Variants in NHSL1 observed in about 807,000 individuals in gnomAD.
The protein encoded by NHSL1 is NHS like 1, also known as NHS-like protein 1.
Under a neutral mutation model 95.0 loss-of-function variants are expected in NHSL1, and 48 were observed. The ratio of observed to expected loss-of-function variants is 0.51; its 90% CI spans 0.40 to 0.64. The LOEUF (loss-of-function observed/expected upper bound fraction) is 0.64, where lower values mean the gene tolerates loss of function less well. Ranked by LOEUF, NHSL1 falls within the 30% of genes least tolerant of loss-of-function variation. The probability of loss-of-function intolerance (pLI) is 0.00; values close to 1 mark genes in which losing one functional copy is unlikely to be tolerated. For synonymous variants in NHSL1, 783 were observed against 833.9 expected (o/e 0.94, Z 1.05); for missense variants, 1,971 against 2,077.7 (o/e 0.95, Z 1.00).
At chr6:138,441,089 T>A (rs1039427776) in intron 5 of NHSL1, among the ~76,000 whole-genome samples, 1 of 152,162 alleles carries the variant, frequency 6.6e-6, no homozygotes, top group Admixed American at 6.5e-5. Flanking sequence ...CAAACAACCC[T>A]AAGAGGTAGG....
At chr6:138,670,051 G>T (rs1785343915) in intron 1 of NHSL1, among the ~76,000 whole-genome samples, 1 of 152,108 alleles carries the variant, frequency 6.6e-6, no homozygotes, top group Non-Finnish European at 1.5e-5. Flanking sequence ...AACCCAGGAG[G>T]TGGAGGTTGC....
intron 1 of NHSL1, among the ~76,000 whole-genome samples, chr6:138,688,078 A>C (rs1785610567): frequency 6.6e-6 from 1 of 152,072 alleles, no homozygotes; most frequent in Non-Finnish European, 1.5e-5. Flanking sequence ...CAGCCTCCCA[A>C]GTAGCTGAGA....
chr6:138,592,616 C>A lies in NHSL1; in HGVS notation c.97-96245G>T, dbSNP rs79363951. Reference sequence around the variant, plus strand: ...GACTGTCGCACAAAAAAACAAAAAACAACAAAAAACAAAAAACAACAACAA... The same window carrying A: ...GACTGTCGCACAAAAAAACAAAAAAAAACAAAAAACAAAAAACAACAACAA... On this transcript the variant is annotated intron_variant, in intron 1 of 3. Coordinates refer to the NHSL1 transcript ENST00000491526. 3.5e-3 allele frequency among the ~76,000 whole-genome samples: 524 copies of A among 150,420 alleles called. 5 individuals carry two copies. Among genetic ancestry groups the A allele is most frequent in the Non-Finnish European group, 3.7e-3 (250 of 67,734 alleles).
At chr6:138,646,496 C>G (rs1001856613) in intron 1 of NHSL1, among the ~76,000 whole-genome samples, 25 of 149,238 alleles carry the variant, frequency 1.7e-4, no homozygotes, top group African/African-American at 6.2e-4. Flanking sequence ...GACACTGTCT[C>G]GAGGAAAAAA....
At chr6:138,649,982 T>A (rs990484251) in intron 1 of NHSL1, among the ~76,000 whole-genome samples, 1 of 152,032 alleles carries the variant, frequency 6.6e-6, no homozygotes, top group African/African-American at 2.4e-5. Context: ...TTCTGCCAAC[T>A]CCCCATTTCT....
chr6:138,551,228 G>A (rs1782989447), intron 1 of NHSL1, among the ~76,000 whole-genome samples: 1 of 152,136 alleles, frequency 6.6e-6, no homozygotes, highest in African/African-American at 2.4e-5. Flanking sequence ...GTGGTTTAAG[G>A]CATCCACTGG....
At position 138,473,366 on chromosome 6, in the gene NHSL1, C is replaced by T. The variant is rs896941081; in HGVS notation, c.279G>A (p.Ala93=). Residue 93 remains alanine (A), a synonymous_variant, in exon 3 of 8, where the codon GCG becomes GCA. Transcript: ENST00000343505. ...SQYYSQGPTF[A]ANASPFCDDY... is the part of the protein sequence containing the mutation. ...CATCACAGAATGGGCTGGCGTTGGC[C>T]GCAAAGGTGGGTCCCTGAGAGTAGT... The T allele has an allele frequency of 2.3e-5, 36 of 1,548,332 alleles. No individual in the cohort carries two copies. The highest frequency in any genetic ancestry group is 1.7e-4 in the Middle Eastern group (1 of 5,940).
chr6:138,552,943 A>T (rs1783064434), intron 1 of NHSL1, among the ~76,000 whole-genome samples: 1 of 152,204 alleles, frequency 6.6e-6, no homozygotes, highest in Non-Finnish European at 1.5e-5. Context: ...TTTCTTTGAG[A>T]CAGAGTACTC....
intron 3 of NHSL1, among the ~76,000 whole-genome samples, chr6:138,459,959 T>C (rs1777884385): frequency 1.3e-5 from 2 of 152,244 alleles, no homozygotes; most frequent in South Asian, 4.1e-4. Flanking sequence ...CGTTTCCTAA[T>C]GTGTTATTTA....
chr6:138,579,303 C>G (rs1473104979), intron 1 of NHSL1, among the ~76,000 whole-genome samples: 1 of 152,212 alleles, frequency 6.6e-6, no homozygotes, highest in Admixed American at 6.5e-5. Context: ...ATGGAACCAT[C>G]CATCATTTCC....
chr6:138,432,043 C>T lies in NHSL1; in HGVS notation c.2302G>A (p.Asp768Asn). Residue 768 changes from aspartate (D) to asparagine (N), a missense_variant, in exon 6 of 8, where the codon GAC (aspartate) becomes AAC (asparagine). By Grantham distance (23) the Asp-to-Asn change is conservative. Transcript: ENST00000343505. This position sits in a 1 kb window ranked among gnomAD's most constrained non-coding sequence, Gnocchi z 4.4. The stretch of plus-strand genomic sequence containing the variant: ...TACTCTGACTTGACGCTGCTTGTGT[C>T]ACTCTGCGATGGCGTGGCCCCGCAC... ...SLCGATPSQS[D>N]TSSVKSEYTD... 6.4e-7 allele frequency: 1 copy of T among 1,551,762 alleles called. No homozygotes were observed. Among genetic ancestry groups the T allele is most frequent in the Non-Finnish European group, 8.7e-7 (1 of 1,147,000 alleles).
intron 1 of NHSL1, among the ~76,000 whole-genome samples, chr6:138,622,084 A>G (rs1196225296): frequency 6.6e-6 from 1 of 152,194 alleles, no homozygotes. Context: ...CTATAATGAA[A>G]TCGAAGAACT....
In NHSL1 at chr6:138,688,338, A is replaced by C. The variant is rs564574985; in HGVS notation, c.96+4138T>G. On this transcript the variant is annotated intron_variant, in intron 1 of 3. Transcript: ENST00000491526. ...TTTTAAAGAGAAAGAAAACCCAATC[A>C]CACAGGGCTTAAAAATAAAAACAGG... Among the ~76,000 whole-genome samples, 13 of 152,102 alleles carry C rather than the reference A, an allele frequency of 8.5e-5. No individual in the cohort carries two copies. In the South Asian group the frequency reaches 2.5e-3, roughly 29 times the overall value.
upstream of NHSL1, chr6:138,692,613 G>T: frequency 5.6e-6 from 1 of 177,746 alleles, no homozygotes. This position sits in a 1 kb window ranked among gnomAD's most constrained non-coding sequence, Gnocchi z 4.0. Flanking sequence ...GGCGCAGCGC[G>T]ACAGGTCGGC....
At chr6:138,629,079 A>G (rs775512896) in intron 1 of NHSL1, among the ~76,000 whole-genome samples, 5 of 152,258 alleles carry the variant, frequency 3.3e-5, no homozygotes, top group Non-Finnish European at 7.3e-5. Flanking sequence ...GTTTTCTTCC[A>G]TAGTTGCAAC....
At chr6:138,545,276 G>GA (rs1782746263) in intron 1 of NHSL1, among the ~76,000 whole-genome samples, 1 of 151,938 alleles carries the variant, frequency 6.6e-6, no homozygotes, top group African/African-American at 2.4e-5. Context: ...CTCCTTACAT[G>GA]AAAATTTCTC....
chr6:138,673,054 G>C lies in NHSL1; in HGVS notation c.96+19422C>G, dbSNP rs182970611. On this transcript the variant is annotated intron_variant, in intron 1 of 3. Coordinates refer to the NHSL1 transcript ENST00000491526. ...AGGTAGATAGATAGATAGATAGATA[G>C]ATAGATAGATAATGTTTCTAGATTA... is the stretch of plus-strand genomic sequence containing the variant. Among the ~76,000 whole-genome samples, 612 of 148,716 alleles carry C rather than the reference G, an allele frequency of 4.1e-3. 2 individuals are homozygous for C. The highest frequency in any genetic ancestry group is 4.9e-3 in the Non-Finnish European group (330 of 67,920).
intron 1 of NHSL1, among the ~76,000 whole-genome samples, chr6:138,601,947 C>T (rs1043214949): frequency 4.0e-5 from 6 of 148,690 alleles, no homozygotes; most frequent in African/African-American, 1.6e-4. Flanking sequence ...ATTGAAAGAT[C>T]TATCAGACTG....
intron 5 of NHSL1, among the ~76,000 whole-genome samples, chr6:138,434,882 C>T (rs989300810): frequency 2.0e-5 from 3 of 152,166 alleles, no homozygotes; most frequent in African/African-American, 7.2e-5. Context: ...ACTGAAATGG[C>T]AGCACTGTGC....
Sources: gnomAD v4.1 joint callset for allele counts (sites outside exome capture counted in the v4.1 genomes callset) on GRCh38, gnomAD v4.1.1 for gene constraint, Gnocchi (gnomAD v3.1) non-coding constraint, MANE v1.5 for transcripts, NCBI Gene and HGNC (gene_info 2026-07-23, HGNC 2026-07-21) for gene names.